The following KCNH1 variants were observed in gnomAD, a reference collection of about 807,000 sequenced individuals.
KCNH1 encodes the protein potassium voltage-gated channel subfamily H member 1.
KCNH1 carries 27 observed loss-of-function variants against 69.2 expected under a neutral mutation model. The ratio of observed to expected loss-of-function variants is 0.39; its 90% CI spans 0.29 to 0.54. The LOEUF is 0.54. Ranked by LOEUF, KCNH1 falls within the 20% of genes least tolerant of loss-of-function variation. The probability of loss-of-function intolerance (pLI) is 0.68; values close to 1 mark genes in which losing one functional copy is unlikely to be tolerated. For missense variants in KCNH1, 798 were observed against 1,261.6 expected (o/e 0.63, Z 5.57); for synonymous variants, 456 against 487.7 (o/e 0.93, Z 0.86).
chr1:211,031,734 T>C (rs1172540412), intron 5 of KCNH1, among the ~76,000 whole-genome samples: 1 of 152,182 alleles, frequency 6.6e-6, no homozygotes, highest in African/African-American at 2.4e-5. Context: ...AAACTCTCAA[T>C]CAATTAGCTA....
intron 7 of KCNH1, among the ~76,000 whole-genome samples, chr1:210,866,049 C>T (rs188255862): frequency 2.6e-5 from 4 of 152,092 alleles, no homozygotes; most frequent in Admixed American, 1.3e-4. Flanking sequence ...AGTGTTAAGA[C>T]AACTGGATAT....
chr1:210,828,266 T>G (rs12078503), intron 7 of KCNH1, among the ~76,000 whole-genome samples: 23,387 of 152,092 alleles, frequency 0.15, 2,120 homozygotes, highest in African/African-American at 0.26. Flanking sequence ...CTACACTACT[T>G]TATCAAGGGT....
chr1:210,715,147 C>A (rs528664213), intron 10 of KCNH1, among the ~76,000 whole-genome samples: 14 of 152,296 alleles, frequency 9.2e-5, no homozygotes, highest in African/African-American at 3.1e-4. Flanking sequence ...AATAGAAACC[C>A]CCAGCTATCT....
chr1:210,717,343 G>A (rs1349871123), intron 10 of KCNH1, among the ~76,000 whole-genome samples: 2 of 152,224 alleles, frequency 1.3e-5, no homozygotes, highest in Admixed American at 6.5e-5. Context: ...ATCAGGATAT[G>A]AATGCACTTT....
intron 6 of KCNH1, among the ~76,000 whole-genome samples, chr1:210,949,288 CT>C (rs1427524158): frequency 6.6e-6 from 1 of 152,152 alleles, no homozygotes; most frequent in Non-Finnish European, 1.5e-5. Flanking sequence ...CCCTTCTCTC[CT>C]TGAGGAGCCC....
intron 3 of KCNH1, among the ~76,000 whole-genome samples, chr1:211,097,421 C>G (rs557779624): frequency 1.3e-5 from 2 of 151,812 alleles, no homozygotes; most frequent in Non-Finnish European, 2.9e-5. Flanking sequence ...AAAACTTGTT[C>G]ACTTCTAAAT....
In KCNH1 at chr1:210,920,138, C is replaced by T. The variant is rs150422216; in HGVS notation, c.1033-69G>A. On this transcript the variant is annotated intron_variant, in intron 6 of 10. Transcript: ENST00000271751. The stretch of plus-strand genomic sequence containing the variant: ...TACTACTCTCGTCCCCTCCGCCCCA[C>T]TTGGGCCATTATTTTAAGCATAGTG... 1,016 of 1,379,254 alleles carry T rather than the reference C, an allele frequency of 7.4e-4. 2 individuals are homozygous for T. The African/African-American group carries it at 0.012, about 16-fold the overall frequency. The allele number at this position is 1,379,254 out of a possible 1,614,324, so 85.4% of individuals were successfully genotyped here.
At chr1:210,824,672 T>C (rs1328400975) in intron 7 of KCNH1, among the ~76,000 whole-genome samples, 1 of 152,212 alleles carries the variant, frequency 6.6e-6, no homozygotes, top group Non-Finnish European at 1.5e-5. Context: ...AGGAGCATTT[T>C]AATAGCCTTT....
intron 7 of KCNH1, chr1:210,862,204 T>C (rs536379289): frequency 1.1e-5 from 13 of 1,228,436 alleles, no homozygotes; most frequent in African/African-American, 3.0e-5. Context: ...GTGTGCTTCA[T>C]TGAGCTGGCG....
chr1:210,955,824 A>G (rs1688163307), intron 6 of KCNH1, among the ~76,000 whole-genome samples: 1 of 152,112 alleles, frequency 6.6e-6, no homozygotes, highest in Non-Finnish European at 1.5e-5. Flanking sequence ...GGGTTTTCTA[A>G]ATATATGATC....
chr1:210,788,689 T>C (rs11810234), intron 9 of KCNH1, among the ~76,000 whole-genome samples: 509 of 38,430 alleles, frequency 0.013, 6 homozygotes, highest in African/African-American at 0.037. Flanking sequence ...TTCTTTCTTT[T>C]TTTTTTTTTT....
At chr1:211,023,671 T>A (rs1689630703) in intron 5 of KCNH1, among the ~76,000 whole-genome samples, 2 of 152,098 alleles carry the variant, frequency 1.3e-5, no homozygotes, top group African/African-American at 4.8e-5. Flanking sequence ...GAAGAGAATG[T>A]GATAGGGAAG....
intron 10 of KCNH1, among the ~76,000 whole-genome samples, chr1:210,700,610 T>C (rs948055996): frequency 6.6e-6 from 1 of 152,226 alleles, no homozygotes; most frequent in African/African-American, 2.4e-5. Context: ...TGGAAAAAAA[T>C]CTTTTCCTAA....
chr1:211,074,026 A>G (rs1305948766), intron 5 of KCNH1, among the ~76,000 whole-genome samples: 4 of 151,240 alleles, frequency 2.6e-5, no homozygotes, highest in Middle Eastern at 3.2e-3. Flanking sequence ...TTGGCAATCA[A>G]TGAGCAACCA....
At chr1:210,846,243 T>C (rs1292898129) in intron 7 of KCNH1, among the ~76,000 whole-genome samples, 1 of 152,148 alleles carries the variant, frequency 6.6e-6, no homozygotes, top group Non-Finnish European at 1.5e-5. Flanking sequence ...AAAGTTGATA[T>C]GGAACCAAAA....
chr1:210,741,405 G>A (rs1934629), intron 10 of KCNH1, among the ~76,000 whole-genome samples: 3 of 152,060 alleles, frequency 2.0e-5, no homozygotes, highest in African/African-American at 7.2e-5. Flanking sequence ...CCATTCCTCC[G>A]TGGCAGTCTT....
In KCNH1 at chr1:210,683,280, C is replaced by T. The variant is rs766364370; in HGVS notation, c.*1G>A. On this transcript the variant is annotated 3_prime_UTR_variant, in exon 11 of 11. Transcript: ENST00000271751. This position sits in a 1 kb window ranked among gnomAD's most constrained non-coding sequence, Gnocchi z 5.7. The stretch of plus-strand genomic sequence containing the variant: ...TCTGACTTTTTTTTTAAATAGACCT[C>T]TCAGCTGGCTCCAAAAATGTCTCTC... 4 of 1,612,396 alleles carry T rather than the reference C, an allele frequency of 2.5e-6. No homozygotes were observed. Among genetic ancestry groups the T allele is most frequent in the South Asian group, 2.2e-5 (2 of 90,902 alleles).
intron 5 of KCNH1, among the ~76,000 whole-genome samples, chr1:211,057,113 C>G (rs1690325692): frequency 6.6e-6 from 1 of 152,094 alleles, no homozygotes; most frequent in African/African-American, 2.4e-5. Context: ...ACTGAGGAAA[C>G]TCAACAAAAT....
At chr1:210,707,117 C>A (rs1681935076) in intron 10 of KCNH1, among the ~76,000 whole-genome samples, 1 of 152,092 alleles carries the variant, frequency 6.6e-6, no homozygotes. Context: ...GCACTGAGGT[C>A]AGGTTTTCAT....
Sources: gnomAD v4.1 joint callset for allele counts (sites outside exome capture counted in the v4.1 genomes callset) on GRCh38, gnomAD v4.1.1 for gene constraint, Gnocchi (gnomAD v3.1) non-coding constraint, MANE v1.5 for transcripts, NCBI Gene and HGNC (gene_info 2026-07-23, HGNC 2026-07-21) for gene names.